MAGI3: variants seen among roughly 807,000 people sequenced by gnomAD.
MAGI3 encodes the protein membrane-associated guanylate kinase, WW and PDZ domain-containing protein 3.
A neutral mutation model predicts 121.8 loss-of-function variants in MAGI3; 43 were observed. The ratio of observed to expected loss-of-function variants is 0.35; its 90% CI spans 0.28 to 0.46. The LOEUF (loss-of-function observed/expected upper bound fraction) is 0.46, where lower values mean the gene tolerates loss of function less well. Among genes scored for constraint, MAGI3 ranks in the 20% least tolerant of loss-of-function variants. The pLI is 1.00. For synonymous variants in MAGI3, 553 were observed against 639.3 expected (o/e 0.86, Z 2.04); for missense variants, 1,547 against 1,797.3 (o/e 0.86, Z 2.52).
intron 6 of MAGI3, among the ~76,000 whole-genome samples, chr1:113,605,412 A>G (rs1649695564): frequency 6.6e-6 from 1 of 152,216 alleles, no homozygotes; most frequent in Non-Finnish European, 1.5e-5. Flanking sequence ...TCAATTACTC[A>G]TTATTTAAAG....
chr1:113,672,718 G>T lies in MAGI3; in HGVS notation c.3022G>T (p.Val1008Phe), dbSNP rs929383536. ...LAQPDTAVIS[V>F]VGSRHNQNLG... ...ACAGCCTGACACCGCAGTAATTTCA[G>T]TTGTAGGCAGTCGGCACAATCAGGT... Residue 1008 changes from valine to phenylalanine, a missense_variant, in exon 18 of 21, where the codon GTT becomes TTT. By Grantham distance (50) the Val-to-Phe change is conservative. Coordinates refer to ENST00000307546, the MANE Select transcript of MAGI3 (RefSeq NM_001142782.2). 9 of 1,612,956 alleles carry T rather than the reference G, an allele frequency of 5.6e-6. No individual in the cohort carries two copies. The highest frequency in any genetic ancestry group is 7.6e-6 in the Non-Finnish European group (9 of 1,179,592).
intron 3 of MAGI3, among the ~76,000 whole-genome samples, chr1:113,584,850 A>G (rs1238982723): frequency 3.3e-5 from 5 of 152,106 alleles, no homozygotes; most frequent in African/African-American, 1.2e-4. Context: ...AAGATATTAG[A>G]TAATATATGT....
intron 1 of MAGI3, among the ~76,000 whole-genome samples, chr1:113,434,526 A>G (rs1218510127): frequency 6.6e-6 from 1 of 152,228 alleles, no homozygotes; most frequent in Non-Finnish European, 1.5e-5. Flanking sequence ...AAAACAAATC[A>G]GGTCAGCCCA....
At chr1:113,419,714 G>A (rs540572562) in intron 1 of MAGI3, among the ~76,000 whole-genome samples, 2 of 152,286 alleles carry the variant, frequency 1.3e-5, no homozygotes, top group South Asian at 4.1e-4. Flanking sequence ...TTCCATTACT[G>A]CTGTAACAGA....
At chr1:113,651,233 A>C (rs779612028) in intron 14 of MAGI3, 27 bp downstream of exon 14, 3 of 1,570,540 alleles carry the variant, frequency 1.9e-6, no homozygotes, top group Non-Finnish European at 8.6e-7. Context: ...CTGCTCTGAA[A>C]AGTTAAAAAA....
At chr1:113,519,660 C>G (rs1326871286) in intron 1 of MAGI3, among the ~76,000 whole-genome samples, 3 of 152,146 alleles carry the variant, frequency 2.0e-5, no homozygotes, top group African/African-American at 7.2e-5. Flanking sequence ...AGTGGAGTCA[C>G]ACAGGATGCC....
At chr1:113,562,039 C>T (rs1660259105) in intron 2 of MAGI3, among the ~76,000 whole-genome samples, 1 of 152,124 alleles carries the variant, frequency 6.6e-6, no homozygotes, top group Non-Finnish European at 1.5e-5. Context: ...GAATAAAATA[C>T]CTAGAAATAC....
intron 1 of MAGI3, among the ~76,000 whole-genome samples, chr1:113,412,185 C>T (rs1652037671): frequency 6.6e-6 from 1 of 152,014 alleles, no homozygotes; most frequent in Non-Finnish European, 1.5e-5. Flanking sequence ...ATCCATGTCC[C>T]TGCAAAGTTC....
chr1:113,638,008 T>C (rs1570978338), intron 9 of MAGI3, among the ~76,000 whole-genome samples: 1 of 152,198 alleles, frequency 6.6e-6, no homozygotes, highest in Admixed American at 6.5e-5. Context: ...ACCCTTTCTT[T>C]CAGTTGATCG....
At chr1:113,540,111 T>G (rs1429158445) in intron 1 of MAGI3, among the ~76,000 whole-genome samples, 1 of 152,230 alleles carries the variant, frequency 6.6e-6, no homozygotes, top group Non-Finnish European at 1.5e-5. Flanking sequence ...AAAACATTAC[T>G]TTTAATGATG....
intron 6 of MAGI3, among the ~76,000 whole-genome samples, chr1:113,605,762 G>C (rs1649726621): frequency 6.6e-6 from 1 of 152,068 alleles, no homozygotes; most frequent in African/African-American, 2.4e-5. Context: ...ACCACGCCCA[G>C]CTAATTTTTG....
chr1:113,456,252 A>C (rs866491601), intron 1 of MAGI3, among the ~76,000 whole-genome samples: 1 of 151,112 alleles, frequency 6.6e-6, no homozygotes, highest in Non-Finnish European at 1.5e-5. Flanking sequence ...GGCGTGAGCC[A>C]CCACGCCCGG....
chr1:113,551,889 A>AT (rs914335382), intron 2 of MAGI3, among the ~76,000 whole-genome samples: 5 of 150,884 alleles, frequency 3.3e-5, no homozygotes, highest in African/African-American at 1.2e-4. Flanking sequence ...CTCCCTCCCT[A>AT]TTTTTTTGCT....
intron 7 of MAGI3, among the ~76,000 whole-genome samples, chr1:113,617,474 G>C (rs1173126314): frequency 6.6e-6 from 1 of 151,818 alleles, no homozygotes; most frequent in Admixed American, 6.6e-5. Context: ...TTTTTGAGTG[G>C]CATTTTAGTC....
intron 15 of MAGI3, among the ~76,000 whole-genome samples, chr1:113,657,974 T>C (rs1389746035): frequency 6.6e-6 from 1 of 152,166 alleles, no homozygotes; most frequent in Non-Finnish European, 1.5e-5. Context: ...TATTTAAATG[T>C]CCCTTACATA....
chr1:113,528,294 C>CTT (rs60603067), intron 1 of MAGI3, among the ~76,000 whole-genome samples: 133 of 138,180 alleles, frequency 9.6e-4, no homozygotes, highest in East Asian at 3.4e-3. Flanking sequence ...CTCCCCCAAC[C>CTT]TTTTTTTTTT....
intron 1 of MAGI3, among the ~76,000 whole-genome samples, chr1:113,451,938 A>G (rs1178537257): frequency 6.6e-6 from 1 of 152,302 alleles, no homozygotes; most frequent in South Asian, 2.1e-4. Context: ...GTGGATGGAT[A>G]ATAAACGTTT....
chr1:113,587,329 A>G (rs1570905801), intron 4 of MAGI3, among the ~76,000 whole-genome samples: 1 of 152,044 alleles, frequency 6.6e-6, no homozygotes, highest in South Asian at 2.1e-4. Context: ...CTAAGTAGCT[A>G]GGATTACAGG....
At chr1:113,609,967 C>T (rs2101767664) in intron 6 of MAGI3, among the ~76,000 whole-genome samples, 1 of 152,184 alleles carries the variant, frequency 6.6e-6, no homozygotes, top group South Asian at 2.1e-4. Flanking sequence ...TGTTTTAAGT[C>T]ATCTATTCTT....
Sources: gnomAD v4.1 joint callset for allele counts (sites outside exome capture counted in the v4.1 genomes callset) on GRCh38, gnomAD v4.1.1 for gene constraint, MANE v1.5 for transcripts, NCBI Gene and HGNC (gene_info 2026-07-23, HGNC 2026-07-21) for gene names.